FAAP100: variants seen among roughly 807,000 people sequenced by gnomAD.
FAAP100 encodes Fanconi anemia core complex-associated protein 100.
In FAAP100, 46 loss-of-function variants were observed where a neutral mutation model predicts 65.8. The ratio of observed to expected loss-of-function variants is 0.70; its 90% CI spans 0.55 to 0.89. The LOEUF is 0.89. Ranked by LOEUF, FAAP100 falls within the 40% of genes least tolerant of loss-of-function variation. The pLI is 0.00. For synonymous variants in FAAP100, 663 were observed against 555.1 expected (o/e 1.19, Z -2.73); for missense variants, 1,165 against 1,196.7 (o/e 0.97, Z 0.39).
Position 81,550,724 on chromosome 17 carries a change from G to A in FAAP100, c.770C>T (p.Ala257Val), listed in dbSNP as rs567698302. ...AGGGGCTGACCTGGAGGTGACCAGGGCCTTCAGGATCACACAGCAGAGCTG... is the reference window on the plus strand; with the variant it reads ...AGGGGCTGACCTGGAGGTGACCAGGACCTTCAGGATCACACAGCAGAGCTG... ...DGQLCCVILK[A>V]LVTSRSAPGD... Residue 257 changes from alanine to valine, a missense_variant, in exon 3 of 9, where the codon GCC becomes GTC. By Grantham distance (64) the Ala-to-Val change is moderately conservative. Transcript: ENST00000327787. The A allele has an allele frequency of 4.3e-6, 7 of 1,612,772 alleles. No homozygotes were observed. In the East Asian group the frequency reaches 1.3e-4, roughly 31 times the overall value.
intron 4 of FAAP100, among the ~76,000 whole-genome samples, 165 bp downstream of exon 4, chr17:81,549,041 G>GAA (rs1163263115): frequency 0.01 from 663 of 66,236 alleles, 24 homozygotes; most frequent in African/African-American, 0.028. Flanking sequence ...CTCCGTCTCA[G>GAA]AAAAAAAAAA....
At chr17:81,546,800 G>A in intron 5 of FAAP100, 109 bp downstream of exon 5, 1 of 1,150,300 alleles carries the variant, frequency 8.7e-7, no homozygotes, top group Non-Finnish European at 1.1e-6. Context: ...GCTGCAGTGA[G>A]CCATGATTGC....
chr17:81,542,231 A>ATG (rs2033142762), intron 7 of FAAP100, among the ~76,000 whole-genome samples: 1 of 78,292 alleles, frequency 1.3e-5, no homozygotes, highest in African/African-American at 8.7e-5. Flanking sequence ...ATATATATAT[A>ATG]TATGAAATCA....
At position 81,550,875 on chromosome 17, in the gene FAAP100, C is replaced by T. The variant is rs1350698719; in HGVS notation, c.619G>A (p.Val207Ile). The change falls in exon 3 of 9, where the codon GTC becomes ATC. Residue 207 changes from valine (V) to isoleucine (I), a missense_variant. Physicochemically the swap from Val to Ile is conservative, Grantham distance 29. Transcript: ENST00000327787. The part of the protein sequence containing the change: ...LCSVSPSGSR[V>I]PHDLLGGSGG... ...GAGCCCCCGAGGAGGTCGTGCGGGA[C>T]CCTGGAGCCTGATGGTGACACAGAG... is the stretch of plus-strand genomic sequence containing the variant. The T allele has an allele frequency of 1.9e-6, 3 of 1,612,498 alleles. No individual in the cohort carries two copies. The highest frequency in any genetic ancestry group is 2.5e-6 in the Non-Finnish European group (3 of 1,179,796).
chr17:81,543,866 G>T, intron 7 of FAAP100, 138 bp downstream of exon 7: 1 of 761,878 alleles, frequency 1.3e-6, no homozygotes, highest in Non-Finnish European at 2.1e-6. Flanking sequence ...GCACTCAGCG[G>T]CAGAGCAGAC....
In FAAP100 at chr17:81,540,077, C is replaced by A. The variant is rs557223552; in HGVS notation, c.*742G>T. On this transcript the variant is annotated 3_prime_UTR_variant, in exon 9 of 9. Coordinates refer to ENST00000327787, the MANE Select transcript of FAAP100 (RefSeq NM_025161.6). ...GCTGGGGGCTGGGGCTCAGGGCCCCCCCCCGGGCCACAGCGCCACCCTGAG... is the reference window on the plus strand; with the variant it reads ...GCTGGGGGCTGGGGCTCAGGGCCCCACCCCGGGCCACAGCGCCACCCTGAG... 2.6e-5 allele frequency: 9 copies of A among 341,222 alleles called. No homozygotes were observed. Among genetic ancestry groups the A allele is most frequent in the East Asian group, 3.9e-5 (1 of 25,862 alleles). The allele number at this position is 341,222 out of a possible 1,614,324, so 21.1% of individuals were successfully genotyped here.
At chr17:81,545,993 A>T in intron 5 of FAAP100, 111 bp from the exon 6 acceptor site, 1 of 1,364,198 alleles carries the variant, frequency 7.3e-7, no homozygotes, top group Non-Finnish European at 9.7e-7. Flanking sequence ...TCCCAGAGCC[A>T]TCTAAGCATC....
chr17:81,542,358 T>C (rs1270601305), intron 7 of FAAP100, among the ~76,000 whole-genome samples: 1 of 151,722 alleles, frequency 6.6e-6, no homozygotes, highest in Non-Finnish European at 1.5e-5. Flanking sequence ...GACTGCAGCC[T>C]GGGTGACAGA....
In FAAP100 at chr17:81,540,119, G is replaced by A. The variant is rs368225992; in HGVS notation, c.*700C>T. The stretch of plus-strand genomic sequence containing the variant: ...CACCCTGAGTGGCCCTGAAAATAGT[G>A]CACAGTGCTGGGTACTGCCCCGGCT... On this transcript the variant is annotated 3_prime_UTR_variant, in exon 9 of 9. Coordinates refer to ENST00000327787, the MANE Select transcript of FAAP100 (RefSeq NM_025161.6). 7.5e-6 allele frequency: 3 copies of A among 398,594 alleles called. No individual in the cohort carries two copies. Among genetic ancestry groups the A allele is most frequent in the Non-Finnish European group, 8.9e-6 (2 of 225,948 alleles). The allele number at this position is 398,594 out of a possible 1,614,324, so 24.7% of individuals were successfully genotyped here. A position where few individuals can be genotyped will look rare whatever the true frequency, so the allele number is the denominator to read the frequency against.
chr17:81,540,440 T>G lies in FAAP100; in HGVS notation c.*379A>C, dbSNP rs1404750279. 2 of 404,862 alleles carry G rather than the reference T, an allele frequency of 4.9e-6. No homozygotes were observed. The highest frequency in any genetic ancestry group is 8.7e-6 in the Non-Finnish European group (2 of 229,604). 25.1% of individuals were successfully genotyped at this position (404,862 alleles called of 1,614,324 possible). On this transcript the variant is annotated 3_prime_UTR_variant, in exon 9 of 9. Coordinates refer to ENST00000327787, the MANE Select transcript of FAAP100 (RefSeq NM_025161.6). ...AAGTCCAAACCCCAGAAATCCTGTT[T>G]CTCTGGCCCTCCGGGTCCAGAATGC...
In FAAP100 at chr17:81,547,339, C is replaced by A; in HGVS notation, c.1743G>T (p.Thr581=). The A allele has an allele frequency of 6.2e-7, 1 of 1,612,634 alleles. No individual in the cohort carries two copies. Residue 581 remains threonine, a synonymous_variant, in exon 5 of 9, where the codon ACG becomes ACT. Transcript: ENST00000327787. ...QLGPGARREV[T]LPLGPGENGG... is the part of the protein sequence containing the mutation. The stretch of plus-strand genomic sequence containing the variant: ...CGTTCTCACCAGGGCCCAGGGGTAG[C>A]GTCACCTCCCGCCGAGCACCGGGGC...
Position 81,540,747 on chromosome 17 carries a change from A to C in FAAP100, c.*72T>G. ...GGCCAGGCCAGCTCGGTTTCCCTCT[A>C]ACCCATGAGGCCTGGGGGGGCTGTG... On this transcript the variant is annotated 3_prime_UTR_variant, in exon 9 of 9. Coordinates refer to ENST00000327787, the MANE Select transcript of FAAP100 (RefSeq NM_025161.6). 7.0e-7 allele frequency: 1 copy of C among 1,431,118 alleles called. No homozygotes were observed. Among genetic ancestry groups the C allele is most frequent in the Non-Finnish European group, 9.2e-7 (1 of 1,092,598 alleles). 88.7% of individuals were successfully genotyped at this position (1,431,118 alleles called of 1,614,324 possible).
chr17:81,547,898 A>C, intron 4 of FAAP100: 1 of 713,618 alleles, frequency 1.4e-6, no homozygotes, highest in Non-Finnish European at 2.5e-6. Flanking sequence ...ATCTGACCTG[A>C]CCTCTCCTCT....
chr17:81,541,231 G>A, intron 8 of FAAP100, 78 bp downstream of exon 8: 1 of 1,453,054 alleles, frequency 6.9e-7, no homozygotes, highest in Non-Finnish European at 9.5e-7. Flanking sequence ...CGGACCCCGA[G>A]TGACTAGAGG....
At chr17:81,542,470 C>T (rs1281385958) in intron 7 of FAAP100, among the ~76,000 whole-genome samples, 4 of 152,102 alleles carry the variant, frequency 2.6e-5, no homozygotes, top group East Asian at 1.9e-4. Context: ...TGTGAAGAGA[C>T]GACACCCTGA....
intron 2 of FAAP100, 115 bp from the exon 3 acceptor site, chr17:81,551,318 G>A: frequency 2.8e-6 from 3 of 1,057,624 alleles, no homozygotes; most frequent in Non-Finnish European, 4.0e-6. Context: ...TGACCCCCAA[G>A]GCCGCTCAGC....
rs536178031 is a variant in FAAP100, at chr17:81,540,548, G to C, written c.*271C>G. The stretch of plus-strand genomic sequence containing the variant: ...TGAGGAAGGCGAGTGCAGGGGCTGC[G>C]GCCGCGGTCAGAGAAGGAGAGACAC... On this transcript the variant is annotated 3_prime_UTR_variant, in exon 9 of 9. Coordinates refer to ENST00000327787, the MANE Select transcript of FAAP100 (RefSeq NM_025161.6). 12 of 434,094 alleles carry C rather than the reference G, an allele frequency of 2.8e-5. No individual in the cohort carries two copies. The highest frequency in any genetic ancestry group is 1.4e-4 in the East Asian group (4 of 29,172). The allele number at this position is 434,094 out of a possible 1,614,324, so 26.9% of individuals were successfully genotyped here. A position where few individuals can be genotyped will look rare whatever the true frequency, so the allele number is the denominator to read the frequency against.
At chr17:81,551,676 C>T (rs1246310154) in intron 2 of FAAP100, 4 of 1,317,380 alleles carry the variant, frequency 3.0e-6, no homozygotes, top group East Asian at 3.1e-5. Context: ...CCACCAGGGC[C>T]CAAAGGACAG....
In FAAP100 at chr17:81,550,254, G is replaced by A; in HGVS notation, c.1240C>T (p.His414Tyr). The change falls in exon 3 of 9, where the codon CAT becomes TAT. Residue 414 changes from histidine (H) to tyrosine (Y), a missense_variant. Physicochemically the swap from His to Tyr is moderately conservative, Grantham distance 83. Transcript: ENST00000327787. ...VVSLSASPRT[H>Y]EGGTKLLALS... ...TTTAGACAGCAGCTCATACCTTCAT[G>A]CGTCCTGGGAGACGCGGACAGCGAG... 1.9e-6 allele frequency: 3 copies of A among 1,596,688 alleles called. No homozygotes were observed. Among genetic ancestry groups the A allele is most frequent in the Non-Finnish European group, 2.6e-6 (3 of 1,169,824 alleles).
Sources: gnomAD v4.1 joint callset for allele counts (sites outside exome capture counted in the v4.1 genomes callset) on GRCh38, gnomAD v4.1.1 for gene constraint, MANE v1.5 for transcripts, NCBI Gene and HGNC (gene_info 2026-07-23, HGNC 2026-07-21) for gene names.